Variants in PMP22 observed in about 807,000 individuals in gnomAD.
The protein encoded by PMP22 is peripheral myelin protein 22.
PMP22 carries 2 observed loss-of-function variants against 18.9 expected under a neutral mutation model. The observed-to-expected ratio is 0.11, with a 90% confidence interval of 0.04 to 0.33. The LOEUF is 0.33. Among genes scored for constraint, PMP22 ranks in the 10% least tolerant of loss-of-function variants. The pLI is 1.00. For missense variants in PMP22, 169 were observed against 202.2 expected (o/e 0.84, Z 1.00); for synonymous variants, 95 against 89.2 (o/e 1.07, Z -0.37).
At position 15,229,788 on chromosome 17, in the gene PMP22, C is replaced by G. The variant is rs1906154041; in HGVS notation, c.*1129G>C. On this transcript the variant is annotated 3_prime_UTR_variant, in exon 5 of 5. Transcript: ENST00000312280. ...ACTCAAGAGAGACCAGTGAGTTACT[C>G]TGATGTTTATTTTAATGCATCTTAG... 6.6e-6 allele frequency: 1 copy of G among 152,554 alleles called. No homozygotes were observed. Among genetic ancestry groups the G allele is most frequent in the Non-Finnish European group, 1.5e-5 (1 of 68,048 alleles). 9.5% of individuals were successfully genotyped at this position (152,554 alleles called of 1,614,324 possible).
chr17:15,255,285 C>T (rs1321969641), intron 3 of PMP22, among the ~76,000 whole-genome samples: 1 of 152,142 alleles, frequency 6.6e-6, no homozygotes, highest in Admixed American at 6.5e-5. Context: ...AGCCATGCTT[C>T]CCCCAAGGCC....
In PMP22 at chr17:15,258,373, C is replaced by T. The variant is rs1478890604; in HGVS notation, c.178+721G>A. Among the ~76,000 whole-genome samples the T allele has an allele frequency of 6.6e-6, 1 of 152,182 alleles. No homozygotes were observed. The highest frequency in any genetic ancestry group is 1.5e-5 in the Non-Finnish European group (1 of 68,038). On this transcript the variant is annotated intron_variant, in intron 3 of 4. Transcript: ENST00000312280. The surrounding 1 kb of genome is among the most constrained non-coding windows in gnomAD (Gnocchi z 4.1). ...GGCTCCTGGCTGGGTGTTCCTTTCC[C>T]TCTGGGTGCCTTGGGTACCTAGTTG...
intron 3 of PMP22, among the ~76,000 whole-genome samples, chr17:15,247,279 G>T (rs867496507): frequency 2.1e-4 from 32 of 152,196 alleles, no homozygotes; most frequent in Middle Eastern, 3.4e-3. Context: ...TGAGGCAGGA[G>T]AATGGTGTGA....
intron 3 of PMP22, among the ~76,000 whole-genome samples, chr17:15,241,950 ATG>A (rs1268010846): frequency 2.0e-5 from 3 of 152,160 alleles, no homozygotes; most frequent in Admixed American, 6.5e-5. Context: ...ACCACATTAT[ATG>A]TGAATGGGTT....
chr17:15,259,044 G>C, intron 3 of PMP22, 50 bp downstream of exon 3: 1 of 1,315,894 alleles, frequency 7.6e-7, no homozygotes, highest in Non-Finnish European at 1.1e-6. Flanking sequence ...GCTGAGAAAC[G>C]TGTTACAGGC....
chr17:15,252,262 A>T (rs1179863541), intron 3 of PMP22, among the ~76,000 whole-genome samples: 1 of 152,194 alleles, frequency 6.6e-6, no homozygotes, highest in African/African-American at 2.4e-5. Context: ...CGTTTTGAAG[A>T]CAGCGATGAT....
rs71353722 is a variant in PMP22 at position 15,263,583 on chromosome 17, G to GCGCACACACACACACACA, written c.-35+1570_-35+1571insTGTGTGTGTGTGTGTGCG. ...AATGCAGCAGTTCACGCACGCGCGCGCACACACACACACACACACACTTCC... is the reference window on the plus strand; with the variant it reads ...AATGCAGCAGTTCACGCACGCGCGCGCGCACACACACACACACACACACACACACACACACACACTTCC... On this transcript the variant is annotated intron_variant, in intron 1 of 4. Coordinates refer to ENST00000312280, the MANE Select transcript of PMP22 (RefSeq NM_000304.4). 1.8e-3 allele frequency among the ~76,000 whole-genome samples: 266 copies of GCGCACACACACACACACA among 150,040 alleles called. 1 individual carries two copies. The highest frequency in any genetic ancestry group is 6.3e-3 in the African/African-American group (259 of 40,834).
chr17:15,260,775 G>A lies in PMP22; in HGVS notation c.-34-14C>T. The A allele has an allele frequency of 1.3e-6, 2 of 1,498,952 alleles. No homozygotes were observed. The highest frequency in any genetic ancestry group is 1.8e-6 in the Non-Finnish European group (2 of 1,099,370). The allele number at this position is 1,498,952 out of a possible 1,614,324, so 92.9% of individuals were successfully genotyped here. A position where few individuals can be genotyped will look rare whatever the true frequency, so the allele number is the denominator to read the frequency against. On this transcript the variant is annotated splice_polypyrimidine_tract_variant and intron_variant, in intron 1 of 4. Coordinates refer to ENST00000312280, the MANE Select transcript of PMP22 (RefSeq NM_000304.4). Reference sequence around the variant, plus strand: ...CGGAGTTTCTGCCTGCGAGGAGAGCGCTGGGCGTGAGGCCGAACGCACTGG... The same window carrying A: ...CGGAGTTTCTGCCTGCGAGGAGAGCACTGGGCGTGAGGCCGAACGCACTGG...
intron 3 of PMP22, among the ~76,000 whole-genome samples, chr17:15,252,450 A>G (rs1390470221): frequency 6.6e-6 from 1 of 152,060 alleles, no homozygotes; most frequent in Admixed American, 6.6e-5. Flanking sequence ...ATGGAAAAGA[A>G]GAGTAGTAAG....
intron 3 of PMP22, among the ~76,000 whole-genome samples, chr17:15,256,892 G>C (rs1262070939): frequency 6.6e-6 from 1 of 152,164 alleles, no homozygotes; most frequent in African/African-American, 2.4e-5. Flanking sequence ...TGCCACGTTG[G>C]GGAAGATAGC....
At chr17:15,246,103 A>C (rs1393393108) in intron 3 of PMP22, among the ~76,000 whole-genome samples, 4 of 152,214 alleles carry the variant, frequency 2.6e-5, no homozygotes, top group Non-Finnish European at 5.9e-5. Flanking sequence ...GAACTCCAAA[A>C]GTGTTTTGAT....
At chr17:15,233,571 G>A (rs1906534916) in intron 4 of PMP22, among the ~76,000 whole-genome samples, 1 of 152,244 alleles carries the variant, frequency 6.6e-6, no homozygotes, top group Admixed American at 6.5e-5. Flanking sequence ...GTCAAAGGAA[G>A]TAGCTGAGGG....
Position 15,230,763 on chromosome 17 carries a change from T to C in PMP22, c.*154A>G, listed in dbSNP as rs1906233942. 2.8e-6 allele frequency: 2 copies of C among 723,502 alleles called. No homozygotes were observed. The highest frequency in any genetic ancestry group is 4.8e-6 in the Non-Finnish European group (2 of 416,912). 44.8% of individuals were successfully genotyped at this position (723,502 alleles called of 1,614,324 possible). The stretch of plus-strand genomic sequence containing the variant: ...TAAACCGGAGATATTATATACATCT[T>C]CAATCAACAGCAACCCCCACCTCCA... On this transcript the variant is annotated 3_prime_UTR_variant, in exon 5 of 5. Coordinates refer to ENST00000312280, the MANE Select transcript of PMP22 (RefSeq NM_000304.4).
chr17:15,247,881 G>A (rs1375987254), intron 3 of PMP22, among the ~76,000 whole-genome samples: 1 of 152,142 alleles, frequency 6.6e-6, no homozygotes, highest in Non-Finnish European at 1.5e-5. Context: ...GAGGCAAAGA[G>A]TTATTAACAC....
At position 15,239,519 on chromosome 17, in the gene PMP22, T is replaced by C. The variant is rs1567704762; in HGVS notation, c.271A>G (p.Thr91Ala). 1.2e-6 allele frequency: 2 copies of C among 1,613,948 alleles called. No individual in the cohort carries two copies. Among genetic ancestry groups the C allele is most frequent in the Non-Finnish European group, 1.7e-6 (2 of 1,179,912 alleles). ...FLFFCQLFTL[T>A]KGGRFYITGI... is the part of the protein sequence containing the mutation. ...GTGATGTAAAACCTGCCCCCCTTGG[T>C]GAGGGTGAAGAGTTGGCAGAAGAAC... The change falls in exon 4 of 5, where the codon ACC (threonine) becomes GCC (alanine). Residue 91 changes from threonine (T) to alanine (A), a missense_variant. By Grantham distance (58) the Thr-to-Ala change is moderately conservative. Coordinates refer to ENST00000312280, the MANE Select transcript of PMP22 (RefSeq NM_000304.4).
At chr17:15,259,938 C>CAAAAAAAAA (rs61415317) in intron 2 of PMP22, among the ~76,000 whole-genome samples, 4 of 97,864 alleles carry the variant, frequency 4.1e-5, no homozygotes, top group Non-Finnish European at 8.7e-5. Context: ...GACTCCATCT[C>CAAAAAAAAA]AAAAAAAAAA....
Position 15,260,770 on chromosome 17 carries a change from A to G in PMP22, c.-34-9T>C. On this transcript the variant is annotated splice_polypyrimidine_tract_variant and intron_variant, in intron 1 of 4. Coordinates refer to ENST00000312280, the MANE Select transcript of PMP22 (RefSeq NM_000304.4). Reference sequence around the variant, plus strand: ...CTCAGCGGAGTTTCTGCCTGCGAGGAGAGCGCTGGGCGTGAGGCCGAACGC... The same window carrying G: ...CTCAGCGGAGTTTCTGCCTGCGAGGGGAGCGCTGGGCGTGAGGCCGAACGC... The G allele has an allele frequency of 6.6e-7, 1 of 1,514,182 alleles. No individual in the cohort carries two copies. The highest frequency in any genetic ancestry group is 2.5e-5 in the East Asian group (1 of 40,616). The allele number at this position is 1,514,182 out of a possible 1,614,324, so 93.8% of individuals were successfully genotyped here. A position where few individuals can be genotyped will look rare whatever the true frequency, so the allele number is the denominator to read the frequency against.
At chr17:15,245,970 G>A (rs1390929601) in intron 3 of PMP22, among the ~76,000 whole-genome samples, 2 of 149,310 alleles carry the variant, frequency 1.3e-5, no homozygotes, top group African/African-American at 2.5e-5. Context: ...CCGAGATCGC[G>A]CCACTGCGCC....
intron 4 of PMP22, among the ~76,000 whole-genome samples, chr17:15,236,448 G>A (rs886076319): frequency 4.0e-5 from 6 of 151,642 alleles, no homozygotes; most frequent in Admixed American, 6.6e-5. Flanking sequence ...AGCCACTTCC[G>A]GAGACTACAC....
Sources: gnomAD v4.1 joint callset for allele counts (sites outside exome capture counted in the v4.1 genomes callset) on GRCh38, gnomAD v4.1.1 for gene constraint, Gnocchi (gnomAD v3.1) non-coding constraint, MANE v1.5 for transcripts, NCBI Gene and HGNC (gene_info 2026-07-23, HGNC 2026-07-21) for gene names.